MMP24: variants seen among roughly 807,000 people sequenced by gnomAD.
The protein encoded by MMP24 is matrix metalloproteinase-24.
A neutral mutation model predicts 62.8 loss-of-function variants in MMP24; 25 were observed. The ratio of observed to expected loss-of-function variants is 0.40; its 90% confidence interval spans 0.29 to 0.56. The LOEUF (loss-of-function observed/expected upper bound fraction) is 0.56, where lower values mean the gene tolerates loss of function less well. Among genes scored for constraint, MMP24 ranks in the 20% least tolerant of loss-of-function variants. The pLI, the probability that MMP24 is intolerant of heterozygous loss-of-function variation, is 0.50. For synonymous variants in MMP24, 319 were observed against 350.5 expected (o/e 0.91, Z 1.00); for missense variants, 634 against 853.6 (o/e 0.74, Z 3.21).
intron 3 of MMP24, among the ~76,000 whole-genome samples, chr20:35,253,651 G>A (rs1482066726): frequency 6.6e-6 from 1 of 152,100 alleles, no homozygotes; most frequent in Admixed American, 6.5e-5. Context: ...TGAACACAGC[G>A]ACGCTAAACA....
At position 35,226,927 on chromosome 20, in the gene MMP24, A is replaced by AGCGGTG. The variant is rs1165576730; in HGVS notation, c.205_210dup (p.Val69_Ala70dup). 0.018 allele frequency: 17,883 copies of AGCGGTG among 979,506 alleles called. 172 individuals are homozygous for AGCGGTG. The highest frequency in any genetic ancestry group is 0.023 in the South Asian group (510 of 21,996). The allele number at this position is 979,506 out of a possible 1,614,324, so 60.7% of individuals were successfully genotyped here. A position where few individuals can be genotyped will look rare whatever the true frequency, so the allele number is the denominator to read the frequency against. Reference sequence around the variant, plus strand: ...CGGCGGCGGGGGCAGGGAACCGGGCAGCGGTGGCGGTGGCGGTGGCGCGGG... The same window carrying AGCGGTG: ...CGGCGGCGGGGGCAGGGAACCGGGCAGCGGTGGCGGTGGCGGTGGCGGTGGCGCGGG... On this transcript the variant is annotated inframe_insertion, in exon 1 of 9. Coordinates refer to ENST00000246186, the MANE Select transcript of MMP24 (RefSeq NM_006690.4).
chr20:35,241,823 A>G (rs1010911320), intron 1 of MMP24, among the ~76,000 whole-genome samples: 1 of 152,178 alleles, frequency 6.6e-6, no homozygotes, highest in Non-Finnish European at 1.5e-5. Flanking sequence ...TTTAAATTCC[A>G]TGCTAGCTTC....
intron 4 of MMP24, among the ~76,000 whole-genome samples, chr20:35,255,270 G>A (rs989110735): frequency 6.6e-6 from 1 of 152,060 alleles, no homozygotes; most frequent in African/African-American, 2.4e-5. Context: ...GGCAGAGGTT[G>A]CAGTGAGCCG....
intron 5 of MMP24, among the ~76,000 whole-genome samples, chr20:35,265,052 C>T (rs1382752916): frequency 6.6e-6 from 1 of 152,178 alleles, no homozygotes; most frequent in Admixed American, 6.5e-5. Context: ...GTCCCAGAAG[C>T]TATTCCAAAG....
At chr20:35,229,442 A>G (rs1361197490) in intron 1 of MMP24, among the ~76,000 whole-genome samples, 1 of 152,196 alleles carries the variant, frequency 6.6e-6, no homozygotes, top group Admixed American at 6.5e-5. Context: ...AAGTGACAAA[A>G]ACATCATCCT....
At chr20:35,268,940 T>C (rs2060651847) in intron 6 of MMP24, among the ~76,000 whole-genome samples, 1 of 150,600 alleles carries the variant, frequency 6.6e-6, no homozygotes, top group Non-Finnish European at 1.5e-5. Flanking sequence ...GGCAGGAGAA[T>C]AGCATGAACC....
At chr20:35,248,306 CTTTT>C (rs11479770) in intron 2 of MMP24, among the ~76,000 whole-genome samples, 1 of 136,780 alleles carries the variant, frequency 7.3e-6, no homozygotes, top group Admixed American at 7.2e-5. Flanking sequence ...TTCCCCCCCC[CTTTT>C]TTTTTTTTTT....
Position 35,252,412 on chromosome 20 carries a change from T to G in MMP24, c.512+391T>G, listed in dbSNP as rs555968962. 2.0e-3 allele frequency among the ~76,000 whole-genome samples: 312 copies of G among 152,220 alleles called. 1 individual carries two copies. Among genetic ancestry groups the G allele is most frequent in the African/African-American group, 7.1e-3 (296 of 41,506 alleles). ...TCCAGCCTGCGTGACAGAGTGAGACTCTGTCTCCAAAACAAAACAAATGAA... is the reference window on the plus strand; with the variant it reads ...TCCAGCCTGCGTGACAGAGTGAGACGCTGTCTCCAAAACAAAACAAATGAA... On this transcript the variant is annotated intron_variant, in intron 3 of 8. Transcript: ENST00000246186.
chr20:35,231,157 G>C (rs1193585972), intron 1 of MMP24, among the ~76,000 whole-genome samples: 1 of 152,188 alleles, frequency 6.6e-6, no homozygotes, highest in Non-Finnish European at 1.5e-5. Context: ...ACTTGATTCT[G>C]AGGAAGATCA....
In MMP24 at chr20:35,274,940, A is replaced by T; in HGVS notation, c.*331A>T. On this transcript the variant is annotated 3_prime_UTR_variant, in exon 9 of 9. Coordinates refer to ENST00000246186, the MANE Select transcript of MMP24 (RefSeq NM_006690.4). The surrounding 1 kb of genome is among the most constrained non-coding windows in gnomAD (Gnocchi z 5.1). ...GTCACGGCATCCTGTGGTGTCCATG[A>T]GGTACCACAGCTCCACTCCTGGCTG... 6.3e-6 allele frequency: 2 copies of T among 317,206 alleles called. No individual in the cohort carries two copies. The highest frequency in any genetic ancestry group is 5.9e-6 in the Non-Finnish European group (1 of 170,630). 19.6% of individuals were successfully genotyped at this position (317,206 alleles called of 1,614,324 possible).
At chr20:35,257,332 C>T (rs888673040) in intron 4 of MMP24, among the ~76,000 whole-genome samples, 3 of 152,166 alleles carry the variant, frequency 2.0e-5, no homozygotes, top group Non-Finnish European at 4.4e-5. Flanking sequence ...TCCCGTATGT[C>T]CTGCATGTAT....
At position 35,271,145 on chromosome 20, in the gene MMP24, G is replaced by A. The variant is rs1027087165; in HGVS notation, c.1334-424G>A. On this transcript the variant is annotated intron_variant, in intron 7 of 8. Transcript: ENST00000246186. This position sits in a 1 kb window ranked among gnomAD's most constrained non-coding sequence, Gnocchi z 4.0. ...CTGGGAGGCAGAAGGTGATGAGGAG[G>A]GAGCCCCTCTGTGGTGCAGATGAGG... Among the ~76,000 whole-genome samples the A allele has an allele frequency of 1.7e-4, 26 of 152,296 alleles. No homozygotes were observed. The highest frequency in any genetic ancestry group is 6.0e-4 in the African/African-American group (25 of 41,566).
chr20:35,272,195 G>A (rs1011916273), intron 8 of MMP24: 3 of 427,348 alleles, frequency 7.0e-6, no homozygotes, highest in Non-Finnish European at 1.2e-5. Flanking sequence ...TTTTCACAGG[G>A]CTCGAGGGCA....
rs1600807790 is a variant in MMP24, at chr20:35,271,502, A to G, written c.1334-67A>G. The G allele has an allele frequency of 1.2e-5, 18 of 1,552,982 alleles. No individual in the cohort carries two copies. In the East Asian group the frequency reaches 4.1e-4, roughly 35 times the overall value. ...GGGCATCAGACTGTTTTCACCTGACACCCTGAAGATGGGCAAACGGCACTG... is the reference window on the plus strand; with the variant it reads ...GGGCATCAGACTGTTTTCACCTGACGCCCTGAAGATGGGCAAACGGCACTG... On this transcript the variant is annotated intron_variant, in intron 7 of 8. Coordinates refer to ENST00000246186, the MANE Select transcript of MMP24 (RefSeq NM_006690.4). This position sits in a 1 kb window ranked among gnomAD's most constrained non-coding sequence, Gnocchi z 4.0.
rs1350314789 is a variant in MMP24, at chr20:35,269,126, C to T, written c.1195-634C>T. Among the ~76,000 whole-genome samples the T allele has an allele frequency of 3.3e-5, 5 of 152,054 alleles. No homozygotes were observed. The South Asian group carries it at 6.2e-4, about 19-fold the overall frequency. On this transcript the variant is annotated intron_variant, in intron 6 of 8. Coordinates refer to ENST00000246186, the MANE Select transcript of MMP24 (RefSeq NM_006690.4). This position sits in a 1 kb window ranked among gnomAD's most constrained non-coding sequence, Gnocchi z 4.6. Reference sequence around the variant, plus strand: ...AGACTGAGGCACCAGTTACAAGAGGCGTTTTTACTGGACTCGGACTATTTA... The same window carrying T: ...AGACTGAGGCACCAGTTACAAGAGGTGTTTTTACTGGACTCGGACTATTTA...
At chr20:35,245,910 T>C (rs1051330194) in intron 1 of MMP24, among the ~76,000 whole-genome samples, 1 of 152,120 alleles carries the variant, frequency 6.6e-6, no homozygotes, top group Non-Finnish European at 1.5e-5. Flanking sequence ...CTCCTACATA[T>C]TAATTTTTAT....
intron 1 of MMP24, among the ~76,000 whole-genome samples, chr20:35,239,279 T>G (rs1177376959): frequency 6.6e-6 from 1 of 152,118 alleles, no homozygotes; most frequent in Non-Finnish European, 1.5e-5. Flanking sequence ...CCTCATGATC[T>G]GTCTGCCTCG....
At chr20:35,237,646 T>C (rs1409099341) in intron 1 of MMP24, among the ~76,000 whole-genome samples, 1 of 152,230 alleles carries the variant, frequency 6.6e-6, no homozygotes, top group Non-Finnish European at 1.5e-5. Flanking sequence ...ACAGCCCTTC[T>C]TTAAACATCT....
Position 35,274,651 on chromosome 20 carries a change from G to C in MMP24, c.*42G>C, listed in dbSNP as rs2060693689. 6.7e-6 allele frequency: 10 copies of C among 1,498,296 alleles called. No individual in the cohort carries two copies. The highest frequency in any genetic ancestry group is 9.0e-6 in the Non-Finnish European group (10 of 1,109,054). 92.8% of individuals were successfully genotyped at this position (1,498,296 alleles called of 1,614,324 possible). On this transcript the variant is annotated 3_prime_UTR_variant, in exon 9 of 9. Coordinates refer to ENST00000246186, the MANE Select transcript of MMP24 (RefSeq NM_006690.4). The surrounding 1 kb of genome is among the most constrained non-coding windows in gnomAD (Gnocchi z 5.1). ...TCTATCCACTTGGTCTGGCCAGCCA[G>C]GCCCTTCCTCACCAGGGTCTGAGGG... is the stretch of plus-strand genomic sequence containing the variant.
Sources: allele counts gnomAD v4.1 joint callset (sites outside exome capture counted in the v4.1 genomes callset), GRCh38; gene constraint gnomAD v4.1.1; non-coding constraint Gnocchi (gnomAD v3.1); transcripts MANE v1.5; gene names NCBI Gene and HGNC (gene_info 2026-07-23, HGNC 2026-07-21).